The following PTPRN2 variants were observed in gnomAD, a reference collection of about 807,000 sequenced individuals.
PTPRN2 encodes protein tyrosine phosphatase receptor type N2.
Under a neutral mutation model 118.8 loss-of-function variants are expected in PTPRN2, and 74 were observed. The observed-to-expected ratio is 0.62, with a 90% confidence interval of 0.52 to 0.76. PTPRN2 has a LOEUF of 0.76. Among genes scored for constraint, PTPRN2 ranks in the 30% least tolerant of loss-of-function variants. The pLI is 0.00. For synonymous variants in PTPRN2, 641 were observed against 608.0 expected, an observed-to-expected ratio of 1.05 and a Z score of -0.80; for missense variants, 1,481 against 1,394.4, an observed-to-expected ratio of 1.06 and a Z score of -0.99.
In PTPRN2 at chr7:158,459,204, C is replaced by T. The variant is rs561914731; in HGVS notation, c.163+30531G>A. 8.9e-4 allele frequency among the ~76,000 whole-genome samples: 136 copies of T among 152,364 alleles called. 1 individual carries two copies. The highest frequency in any genetic ancestry group is 2.5e-3 in the Admixed American group (38 of 15,308). ...CTCCAAGTGCACACAGTTGCACAAG[C>T]ACACATGCATGCTGCACCACAACAC... On this transcript the variant is annotated intron_variant, in intron 2 of 22. Coordinates refer to ENST00000389418, the MANE Select transcript of PTPRN2 (RefSeq NM_002847.5).
intron 3 of PTPRN2, among the ~76,000 whole-genome samples, chr7:158,224,105 C>G (rs1701177971): frequency 1.3e-5 from 2 of 152,044 alleles, no homozygotes; most frequent in African/African-American, 4.8e-5. Flanking sequence ...ATGAAAGAAA[C>G]CAAAGATCAA....
At chr7:158,098,499 G>A (rs952524174) in intron 10 of PTPRN2, among the ~76,000 whole-genome samples, 4 of 152,220 alleles carry the variant, frequency 2.6e-5, no homozygotes, top group African/African-American at 7.2e-5. Context: ...CGGAGAAGCC[G>A]TCCGTGCTCA....
At position 158,544,670 on chromosome 7, in the gene PTPRN2, A is replaced by G. The variant is rs928047747; in HGVS notation, c.112+42888T>C. Among the ~76,000 whole-genome samples, 1 of 151,994 alleles carries G rather than the reference A, an allele frequency of 6.6e-6. No individual in the cohort carries two copies. Among genetic ancestry groups the G allele is most frequent in the Non-Finnish European group, 1.5e-5 (1 of 67,992 alleles). Reference sequence around the variant, plus strand: ...AAAAAAAATTATGAGATTTTTTTGCAATTTTTTAAAGCTCATAAGCTATCA... The same window carrying G: ...AAAAAAAATTATGAGATTTTTTTGCGATTTTTTAAAGCTCATAAGCTATCA... On this transcript the variant is annotated intron_variant, in intron 1 of 22. Coordinates refer to ENST00000389418, the MANE Select transcript of PTPRN2 (RefSeq NM_002847.5). The surrounding 1 kb of genome is among the most constrained non-coding windows in gnomAD (Gnocchi z 4.2).
chr7:158,489,632 GC>G, intron 2 of PTPRN2, 102 bp downstream of exon 2: 1 of 1,260,616 alleles, frequency 7.9e-7, no homozygotes, highest in South Asian at 1.6e-5. Context: ...GCCCCGGGCG[GC>G]CCCAGCTCCA....
intron 21 of PTPRN2, among the ~76,000 whole-genome samples, chr7:157,559,425 G>A (rs1312282147): frequency 6.6e-6 from 1 of 152,210 alleles, no homozygotes. Flanking sequence ...AGAACACACT[G>A]GCGGGGGCTG....
intron 1 of PTPRN2, among the ~76,000 whole-genome samples, chr7:158,569,274 G>T (rs1211373387): frequency 1.3e-5 from 2 of 149,962 alleles, no homozygotes; most frequent in African/African-American, 4.8e-5. Flanking sequence ...GCCCAGGGAG[G>T]CCCCGTGTCC....
chr7:158,330,562 C>A (rs377757450), intron 2 of PTPRN2, among the ~76,000 whole-genome samples: 386 of 18,264 alleles, frequency 0.021, no homozygotes, highest in Non-Finnish European at 0.035. Flanking sequence ...CACTCACACC[C>A]ACACTCTCAC....
intron 11 of PTPRN2, among the ~76,000 whole-genome samples, chr7:158,053,293 A>G (rs1809475357): frequency 6.6e-6 from 1 of 152,204 alleles, no homozygotes; most frequent in South Asian, 2.1e-4. Context: ...CAACTGGAGC[A>G]GATGAGCCAT....
intron 3 of PTPRN2, among the ~76,000 whole-genome samples, chr7:158,248,619 TACAC>T (rs993061468): frequency 6.3e-5 from 9 of 143,620 alleles, no homozygotes; most frequent in African/African-American, 2.1e-4. Flanking sequence ...TACATGCACA[TACAC>T]ACGCACACAC....
At chr7:158,033,541 TGG>T (rs1377666444) in intron 11 of PTPRN2, among the ~76,000 whole-genome samples, 1 of 151,464 alleles carries the variant, frequency 6.6e-6, no homozygotes, top group African/African-American at 2.4e-5. Context: ...GATGGGTGAG[TGG>T]GGGCTCTGAG....
chr7:157,993,901 G>GC (rs771958758), intron 11 of PTPRN2, among the ~76,000 whole-genome samples: 35 of 152,116 alleles, frequency 2.3e-4, no homozygotes, highest in African/African-American at 6.5e-4. Flanking sequence ...GGGGTCAGTG[G>GC]CCCCCCATGC....
intron 9 of PTPRN2, among the ~76,000 whole-genome samples, chr7:158,111,380 A>T (rs1258090823): frequency 6.6e-6 from 1 of 152,132 alleles, no homozygotes; most frequent in Non-Finnish European, 1.5e-5. Flanking sequence ...GCAGCAACTC[A>T]GGGCAGGGGG....
At chr7:157,997,853 G>T (rs1232457335) in intron 11 of PTPRN2, among the ~76,000 whole-genome samples, 1 of 125,546 alleles carries the variant, frequency 8.0e-6, no homozygotes, top group African/African-American at 3.1e-5. Context: ...GGAGTGGAGT[G>T]CAGGGCTGGG....
intron 3 of PTPRN2, among the ~76,000 whole-genome samples, chr7:158,309,991 G>A (rs1291438643): frequency 6.6e-6 from 1 of 152,106 alleles, no homozygotes; most frequent in African/African-American, 2.4e-5. Flanking sequence ...GGACACGGGG[G>A]GAAGATGCCA....
At chr7:157,723,395 G>A (rs1178562978) in intron 12 of PTPRN2, among the ~76,000 whole-genome samples, 5 of 152,168 alleles carry the variant, frequency 3.3e-5, no homozygotes, top group Non-Finnish European at 5.9e-5. Flanking sequence ...GTCCCCCACT[G>A]AGCTCACGGC....
At chr7:158,148,573 T>C (rs10264141) in intron 6 of PTPRN2, among the ~76,000 whole-genome samples, 530 of 4,752 alleles carry the variant, frequency 0.11, 28 homozygotes, top group East Asian at 0.37. Context: ...TCACGCCACA[T>C]GTCTTTCCCC....
intron 12 of PTPRN2, among the ~76,000 whole-genome samples, chr7:157,807,886 C>T (rs553463494): frequency 6.6e-6 from 1 of 152,324 alleles, no homozygotes; most frequent in Admixed American, 6.5e-5. Flanking sequence ...TGGATGTTTA[C>T]GTGGGTTACC....
chr7:157,883,229 C>T (rs1371484253), intron 12 of PTPRN2, among the ~76,000 whole-genome samples: 7 of 147,314 alleles, frequency 4.8e-5, no homozygotes, highest in South Asian at 2.2e-4. Context: ...CACATCACCC[C>T]AAAAATGACT....
chr7:157,747,577 G>A (rs1201843610), intron 12 of PTPRN2, among the ~76,000 whole-genome samples: 3 of 117,878 alleles, frequency 2.5e-5, no homozygotes, highest in East Asian at 3.1e-4. Flanking sequence ...TGAGGCCTGC[G>A]TCTCTGAGCT....
Sources: gnomAD v4.1 joint callset for allele counts (sites outside exome capture counted in the v4.1 genomes callset) on GRCh38, gnomAD v4.1.1 for gene constraint, Gnocchi (gnomAD v3.1) non-coding constraint, MANE v1.5 for transcripts, NCBI Gene and HGNC (gene_info 2026-07-23, HGNC 2026-07-21) for gene names.